Variants in ZNF761 observed in about 807,000 individuals in gnomAD.
ZNF761 encodes the protein zinc finger protein 761.
In ZNF761, 43 loss-of-function variants were observed where a neutral mutation model predicts 59.9. The observed-to-expected ratio is 0.72, with a 90% confidence interval of 0.56 to 0.92. The LOEUF (loss-of-function observed/expected upper bound fraction) is 0.92, where lower values mean the gene tolerates loss of function less well. Among genes scored for constraint, ZNF761 ranks in the 40% least tolerant of loss-of-function variants. The probability of loss-of-function intolerance (pLI) is 0.00; values close to 1 mark genes in which losing one functional copy is unlikely to be tolerated. For missense variants in ZNF761, 850 were observed against 906.1 expected (o/e 0.94, Z 0.79); for synonymous variants, 294 against 304.8 (o/e 0.96, Z 0.37).
chr19:53,452,432 A>G (rs1180166815), intron 4 of ZNF761, among the ~76,000 whole-genome samples: 1 of 152,090 alleles, frequency 6.6e-6, no homozygotes, highest in African/African-American at 2.4e-5. Context: ...GCAGTGAGCC[A>G]ACATTGCCCC....
Position 53,456,373 on chromosome 19 carries a change from A to G in ZNF761, c.1866A>G (p.Thr622=), listed in dbSNP as rs562921086. 13 of 1,613,912 alleles carry G rather than the reference A, an allele frequency of 8.1e-6. No individual in the cohort carries two copies. The highest frequency in any genetic ancestry group is 2.7e-5 in the African/African-American group (2 of 74,992). ...CCTTCAGTCGGACGTCATCCCTTAC[A>G]TGCCATCGTAGACTTCATACCGGAG... ...GKTFSRTSSL[T]CHRRLHTGEK... is the part of the protein sequence containing the mutation. The change falls in exon 5 of 5, where the codon ACA becomes ACG. Residue 622 remains threonine, a synonymous_variant. Transcript: ENST00000684525.
intron 1 of ZNF761, among the ~76,000 whole-genome samples, chr19:53,445,688 TAAAA>T (rs199913667): frequency 6.6e-6 from 1 of 151,948 alleles, no homozygotes; most frequent in Non-Finnish European, 1.5e-5. Context: ...AAAATAAAAT[TAAAA>T]AAAATTTTTT....
chr19:53,441,455 T>C (rs1015787044), intron 1 of ZNF761, among the ~76,000 whole-genome samples: 1 of 15,858 alleles, frequency 6.3e-5, no homozygotes, highest in African/African-American at 1.9e-4. Flanking sequence ...TGTTTTTTGT[T>C]TTTTTTTTTT....
In ZNF761 at chr19:53,456,809, T is replaced by G. The variant is rs2086276991; in HGVS notation, c.*61T>G. 6.4e-7 allele frequency: 1 copy of G among 1,557,634 alleles called. No individual in the cohort carries two copies. The highest frequency in any genetic ancestry group is 8.8e-7 in the Non-Finnish European group (1 of 1,134,672). On this transcript the variant is annotated 3_prime_UTR_variant, in exon 5 of 5. Coordinates refer to ENST00000684525, the MANE Select transcript of ZNF761 (RefSeq NM_001289951.2). ...TTGCAGGTCATCATAGAATTCATAC[T>G]GGGGAGAAACCTTAGAAATGTGAAG...
intron 4 of ZNF761, among the ~76,000 whole-genome samples, chr19:53,450,622 T>C (rs141059113): frequency 5.0e-4 from 76 of 152,328 alleles, no homozygotes; most frequent in East Asian, 3.1e-3. Context: ...TTTGTTTGTT[T>C]ATGATGGAGT....
In ZNF761 at chr19:53,457,154, T is replaced by C. The variant is rs899339600; in HGVS notation, c.*406T>C. ...AGGCAATCCATGGTGTAGGGAAACT[T>C]TACTAAGGTAATGATTGTCACAAAG... On this transcript the variant is annotated 3_prime_UTR_variant, in exon 5 of 5. Coordinates refer to ENST00000684525, the MANE Select transcript of ZNF761 (RefSeq NM_001289951.2). 3 of 513,808 alleles carry C rather than the reference T, an allele frequency of 5.8e-6. No individual in the cohort carries two copies. In the African/African-American group the frequency reaches 5.9e-5, roughly 10 times the overall value. The allele number at this position is 513,808 out of a possible 1,614,324, so 31.8% of individuals were successfully genotyped here. A position where few individuals can be genotyped will look rare whatever the true frequency, so the allele number is the denominator to read the frequency against.
At chr19:53,432,432 C>T (rs1195402520) in intron 1 of ZNF761, among the ~76,000 whole-genome samples, 1 of 152,156 alleles carries the variant, frequency 6.6e-6, no homozygotes, top group African/African-American at 2.4e-5. Flanking sequence ...CTGCAGACCC[C>T]ACCCTTGCCT....
In ZNF761 at chr19:53,455,082, A is replaced by G. The variant is rs561986415; in HGVS notation, c.575A>G (p.His192Arg). Reference protein sequence around the residue: ...CRPKTHISNNHGNNFWNSSLL... With the variant: ...CRPKTHISNNRGNNFWNSSLL... ...CCCAAAACCCATATATCTAATAACC[A>G]TGGGAATAATTTCTGGAATTCTTCA... The change falls in exon 5 of 5, where the codon CAT becomes CGT. Residue 192 changes from histidine (H) to arginine (R), a missense_variant. Transcript: ENST00000684525. 5.0e-6 allele frequency: 8 copies of G among 1,614,166 alleles called. No individual in the cohort carries two copies. Among genetic ancestry groups the G allele is most frequent in the South Asian group, 4.4e-5 (4 of 91,074 alleles).
Position 53,455,851 on chromosome 19 carries a change from C to A in ZNF761, c.1344C>A (p.Ser448Arg), listed in dbSNP as rs768197464. Residue 448 changes from serine (S) to arginine (R), a missense_variant, in exon 5 of 5, where the codon AGC (serine) becomes AGA (arginine). Transcript: ENST00000684525. ...GTAATGAGTGTGGAAAGACCTTTAG[C>A]CGGACATCATCCCTTACATGCCATC... Reference protein sequence around the residue: ...YKCNECGKTFSRTSSLTCHRR... With the variant: ...YKCNECGKTFRRTSSLTCHRR... The A allele has an allele frequency of 6.2e-7, 1 of 1,611,434 alleles. No homozygotes were observed. Among genetic ancestry groups the A allele is most frequent in the Non-Finnish European group, 8.5e-7 (1 of 1,179,262 alleles).
At position 53,454,680 on chromosome 19, in the gene ZNF761, T is replaced by G; in HGVS notation, c.173T>G (p.Phe58Cys). 1.2e-6 allele frequency: 2 copies of G among 1,604,382 alleles called. No individual in the cohort carries two copies. The highest frequency in any genetic ancestry group is 1.7e-6 in the Non-Finnish European group (2 of 1,174,582). ...TCTTCCAAATGCACGATGAAGGAGT[T>G]CTTGTCAACAGCGCAAGGCAACAGA... ...DISSKCTMKE[F>C]LSTAQGNREV... The change falls in exon 5 of 5, where the codon TTC becomes TGC. Residue 58 changes from phenylalanine (F) to cysteine (C), a missense_variant. Transcript: ENST00000684525.
chr19:53,450,992 CA>C (rs34019664), intron 4 of ZNF761, among the ~76,000 whole-genome samples: 6,389 of 121,884 alleles, frequency 0.052, 445 homozygotes, highest in African/African-American at 0.17. Context: ...GACTCTGTCT[CA>C]AAAAAAAAAA....
chr19:53,448,749 CAGG>C (rs1176974194), intron 3 of ZNF761, among the ~76,000 whole-genome samples: 1 of 151,064 alleles, frequency 6.6e-6, no homozygotes, highest in Non-Finnish European at 1.5e-5. Context: ...GCTGGAACCA[CAGG>C]TGCCTGCCAC....
rs373912726 is a variant in ZNF761, at chr19:53,456,057, C to A, written c.1550C>A (p.Thr517Asn). 20 of 1,597,566 alleles carry A rather than the reference C, an allele frequency of 1.3e-5. No homozygotes were observed. The African/African-American group carries it at 2.6e-4, about 20-fold the overall frequency. The change falls in exon 5 of 5, where the codon ACT (threonine) becomes AAT (asparagine). Residue 517 changes from threonine to asparagine, a missense_variant. By Grantham distance (65) the Thr-to-Asn change is moderately conservative. Transcript: ENST00000684525. ...CTCACATGCCATCATAGACTTCATA[C>A]TGGAGAGAAAGCTTACAAGTGTAAT... is the stretch of plus-strand genomic sequence containing the variant. Reference protein sequence around the residue: ...SYLTCHHRLHTGEKAYKCNEC... With the variant: ...SYLTCHHRLHNGEKAYKCNEC...
chr19:53,456,647 G>A lies in ZNF761; in HGVS notation c.2140G>A (p.Gly714Arg). The A allele has an allele frequency of 3.7e-6, 6 of 1,613,908 alleles. No individual in the cohort carries two copies. Among genetic ancestry groups the A allele is most frequent in the Non-Finnish European group, 5.1e-6 (6 of 1,179,906 alleles). Residue 714 changes from glycine to arginine, a missense_variant, in exon 5 of 5, where the codon GGA becomes AGA. Gly to Arg is a moderately radical substitution (Grantham distance 125). Transcript: ENST00000684525. ...TATATGCCACCATAGACTTCATACT[G>A]GAGAGAAACCTTACAAGTGTAATGA... ...SLICHHRLHT[G>R]EKPYKCNECG... is the part of the protein sequence containing the mutation.
At position 53,455,545 on chromosome 19, in the gene ZNF761, A is replaced by G; in HGVS notation, c.1038A>G (p.Arg346=). ...RQKSILTRHH[R]LHTGEKPYKC... The stretch of plus-strand genomic sequence containing the variant: ...AGTCAATCCTTACACGCCATCATCG[A>G]CTTCATACTGGAGAGAAACCTTACA... Residue 346 remains arginine, a synonymous_variant, in exon 5 of 5, where the codon CGA becomes CGG. Coordinates refer to ENST00000684525, the MANE Select transcript of ZNF761 (RefSeq NM_001289951.2). 1.2e-6 allele frequency: 2 copies of G among 1,613,022 alleles called. No individual in the cohort carries two copies. The highest frequency in any genetic ancestry group is 1.7e-6 in the Non-Finnish European group (2 of 1,179,498).
intron 1 of ZNF761, 90 bp downstream of exon 1, chr19:53,432,118 A>G (rs2085976699): frequency 6.6e-6 from 1 of 152,292 alleles, no homozygotes; most frequent in Non-Finnish European, 1.5e-5. Context: ...AAACCTGGAA[A>G]TTCTCAGCCG....
chr19:53,447,066 C>T, intron 2 of ZNF761, 130 bp from the exon 3 acceptor site: 1 of 517,388 alleles, frequency 1.9e-6, no homozygotes, highest in Non-Finnish European at 3.3e-6. Flanking sequence ...GGCAGTTTAT[C>T]ATCCCTGGTG....
Position 53,454,789 on chromosome 19 carries a change from T to C in ZNF761, c.282T>C (p.Ile94=), listed in dbSNP as rs764807877. 6.2e-7 allele frequency: 1 copy of C among 1,614,104 alleles called. No individual in the cohort carries two copies. The highest frequency in any genetic ancestry group is 1.3e-5 in the African/African-American group (1 of 75,032). Residue 94 remains isoleucine, a synonymous_variant, in exon 5 of 5, where the codon ATT becomes ATC. Transcript: ENST00000684525. ...GCTACCAGGATGTTGATAAAGATAT[T>C]CATGACTATGAATTTCAATGGCAAG... ...DFCYQDVDKD[I]HDYEFQWQED...
At chr19:53,454,593 C>A in intron 4 of ZNF761, 57 bp from the exon 5 acceptor site, 2 of 1,488,668 alleles carry the variant, frequency 1.3e-6, no homozygotes, top group South Asian at 1.4e-5. Flanking sequence ...TTACACATTT[C>A]AGCATTATTT....
Sources: allele counts gnomAD v4.1 joint callset (sites outside exome capture counted in the v4.1 genomes callset), GRCh38; gene constraint gnomAD v4.1.1; transcripts MANE v1.5; gene names NCBI Gene and HGNC (gene_info 2026-07-23, HGNC 2026-07-21).